MARCHF8: variants seen among roughly 807,000 people sequenced by gnomAD.
MARCHF8 encodes the protein E3 ubiquitin-protein ligase MARCHF8.
Under a neutral mutation model 51.6 loss-of-function variants are expected in MARCHF8, and 40 were observed. The observed-to-expected ratio is 0.77, with a 90% CI of 0.60 to 1.01. The LOEUF is 1.01. MARCHF8 is among the 50% of genes least tolerant of loss of function. The pLI is 0.00. For missense variants in MARCHF8, 685 were observed against 708.6 expected, an observed-to-expected ratio of 0.97 and a Z score of 0.38; for synonymous variants, 263 against 280.3, an observed-to-expected ratio of 0.94 and a Z score of 0.62.
intron 1 of MARCHF8, among the ~76,000 whole-genome samples, chr10:45,592,196 G>C (rs913511632): frequency 6.6e-6 from 1 of 151,116 alleles, no homozygotes; most frequent in Non-Finnish European, 1.5e-5. Flanking sequence ...AAGAAAGAAA[G>C]AAAGAGTTTA....
intron 2 of MARCHF8, among the ~76,000 whole-genome samples, chr10:45,523,786 G>A (rs758929036): frequency 2.6e-5 from 4 of 151,944 alleles, no homozygotes; most frequent in Non-Finnish European, 4.4e-5. Flanking sequence ...TTCACTTACC[G>A]CACAACCAGA....
chr10:45,571,722 C>T lies in MARCHF8; in HGVS notation c.-79+22513G>A, dbSNP rs567874924. 3.3e-5 allele frequency among the ~76,000 whole-genome samples: 5 copies of T among 152,260 alleles called. No individual in the cohort carries two copies. In the East Asian group the frequency reaches 5.8e-4, roughly 18 times the overall value. On this transcript the variant is annotated intron_variant, in intron 1 of 6. Transcript: ENST00000319836. Reference sequence around the variant, plus strand: ...TCTCACCAATTTTAAATTGGGTAAGCGGCCTCTTTTTACTCTCTTCTCCAA... The same window carrying T: ...TCTCACCAATTTTAAATTGGGTAAGTGGCCTCTTTTTACTCTCTTCTCCAA...
intron 3 of MARCHF8, among the ~76,000 whole-genome samples, chr10:45,486,254 C>T (rs2042977143): frequency 6.6e-6 from 1 of 152,176 alleles, no homozygotes; most frequent in Admixed American, 6.5e-5. Context: ...CAGTCGCAAA[C>T]AGCACACAGT....
intron 1 of MARCHF8, among the ~76,000 whole-genome samples, chr10:45,593,956 A>C (rs1370547489): frequency 1.3e-5 from 2 of 152,234 alleles, no homozygotes; most frequent in African/African-American, 4.8e-5. Context: ...AAGGGTAGTT[A>C]GCGTGGGGAT....
chr10:45,473,251 A>C (rs762009732), intron 3 of MARCHF8, among the ~76,000 whole-genome samples: 42 of 152,330 alleles, frequency 2.8e-4, no homozygotes, highest in Middle Eastern at 6.8e-3. Context: ...GTGCTTGCCA[A>C]GCAATAGAGC....
intron 2 of MARCHF8, 84 bp from the exon 3 acceptor site, chr10:45,489,501 T>C (rs2043044846): frequency 1.7e-6 from 2 of 1,202,960 alleles, no homozygotes; most frequent in South Asian, 1.3e-5. Flanking sequence ...ACAACCCTAC[T>C]GACAAATCAT....
intron 1 of MARCHF8, among the ~76,000 whole-genome samples, chr10:45,540,393 A>C (rs1327537145): frequency 6.6e-6 from 1 of 152,182 alleles, no homozygotes; most frequent in East Asian, 1.9e-4. Context: ...GCCCTCAGAA[A>C]TAATGCCTTA....
upstream of MARCHF8, among the ~76,000 whole-genome samples, chr10:45,538,569 C>A (rs184523935): frequency 3.8e-3 from 581 of 152,242 alleles, 3 homozygotes; most frequent in African/African-American, 0.013. Flanking sequence ...ATTCAGGAAA[C>A]CCATCTCACG....
intron 1 of MARCHF8, among the ~76,000 whole-genome samples, chr10:45,579,818 A>T (rs2044532357): frequency 6.6e-6 from 1 of 152,032 alleles, no homozygotes; most frequent in Non-Finnish European, 1.5e-5. Context: ...GTTCGAGACC[A>T]GCCTGGCCAA....
At chr10:45,505,880 G>A (rs958014464) in intron 2 of MARCHF8, among the ~76,000 whole-genome samples, 1 of 152,158 alleles carries the variant, frequency 6.6e-6, no homozygotes, top group African/African-American at 2.4e-5. Context: ...TCTTTGACAC[G>A]GACTGATGAG....
intron 3 of MARCHF8, among the ~76,000 whole-genome samples, chr10:45,468,389 G>A (rs1184071644): frequency 6.6e-6 from 1 of 152,188 alleles, no homozygotes; most frequent in Non-Finnish European, 1.5e-5. Context: ...GGCGCCTTCT[G>A]CCAGGTTACT....
rs141387803 is a variant in MARCHF8, at chr10:45,584,638, T to C, written c.-79+9597A>G. Among the ~76,000 whole-genome samples, 669 of 152,274 alleles carry C rather than the reference T, an allele frequency of 4.4e-3. 4 individuals carry two copies. The highest frequency in any genetic ancestry group is 0.015 in the African/African-American group (638 of 41,556). ...CCTCCAAGATTCCTGCCCCTGGTTA[T>C]TCAAACACTAATTTGAGTATAGCTG... is the stretch of plus-strand genomic sequence containing the variant. On this transcript the variant is annotated intron_variant, in intron 1 of 6. Transcript: ENST00000319836.
chr10:45,556,256 T>G (rs1377827808), intron 1 of MARCHF8, among the ~76,000 whole-genome samples: 1 of 152,202 alleles, frequency 6.6e-6, no homozygotes, highest in Non-Finnish European at 1.5e-5. Flanking sequence ...TACATCCTGA[T>G]GCAAACAAAT....
chr10:45,517,720 G>T (rs773493230), intron 2 of MARCHF8, among the ~76,000 whole-genome samples: 15 of 152,148 alleles, frequency 9.9e-5, no homozygotes, highest in Admixed American at 6.5e-4. Flanking sequence ...TAACATAAGG[G>T]CTTAGAACTG....
At chr10:45,474,701 T>A (rs1370553364) in intron 3 of MARCHF8, among the ~76,000 whole-genome samples, 2 of 152,144 alleles carry the variant, frequency 1.3e-5, no homozygotes, top group Non-Finnish European at 2.9e-5. Flanking sequence ...AGACTTTGAA[T>A]AGATCATCTA....
rs542167664 is a variant in MARCHF8 at position 45,528,419 on chromosome 10, G to A, written c.102+4691C>T. 1.3e-3 allele frequency among the ~76,000 whole-genome samples: 203 copies of A among 152,186 alleles called. 1 individual carries two copies. Among genetic ancestry groups the A allele is most frequent in the African/African-American group, 4.4e-3 (182 of 41,516 alleles). On this transcript the variant is annotated intron_variant, in intron 2 of 7. Transcript: ENST00000453424. ...CAGTAGAGTTTCAGGATACAAAATC[G>A]ACCTACAAAATCAGTAGTATTTCTT...
chr10:45,546,838 G>T (rs2044129635), intron 1 of MARCHF8, among the ~76,000 whole-genome samples: 1 of 150,592 alleles, frequency 6.6e-6, no homozygotes, highest in Non-Finnish European at 1.5e-5. Flanking sequence ...CAATAGTGAA[G>T]AAATCATAAG....
At chr10:45,500,412 C>CT (rs1564487553) in intron 2 of MARCHF8, among the ~76,000 whole-genome samples, 3 of 152,026 alleles carry the variant, frequency 2.0e-5, no homozygotes, top group East Asian at 3.9e-4. Flanking sequence ...AATTTTGATG[C>CT]TTTTTACCTC....
intron 1 of MARCHF8, among the ~76,000 whole-genome samples, chr10:45,570,003 G>A (rs61854123): frequency 0.22 from 33,233 of 151,916 alleles, 3,969 homozygotes; most frequent in Admixed American, 0.29. Flanking sequence ...ACTGACACAA[G>A]ATAAAACTTT....
Sources: gnomAD v4.1 joint callset for allele counts (sites outside exome capture counted in the v4.1 genomes callset) on GRCh38, gnomAD v4.1.1 for gene constraint, MANE v1.5 for transcripts, NCBI Gene and HGNC (gene_info 2026-07-23, HGNC 2026-07-21) for gene names.